Variants in PLEKHA5 observed in about 807,000 individuals in gnomAD.
PLEKHA5 encodes pleckstrin homology domain containing A5.
PLEKHA5 carries 55 observed loss-of-function variants against 181.9 expected under a neutral mutation model. That is an observed-to-expected ratio of 0.30 (90% CI 0.24 to 0.38). The LOEUF is 0.38. PLEKHA5 is among the 10% of genes least tolerant of loss of function. The pLI is 1.00. For synonymous variants in PLEKHA5, 535 were observed against 529.4 expected (o/e 1.01, Z -0.15); for missense variants, 1,432 against 1,549.5 (o/e 0.92, Z 1.27).
chr12:19,331,263 C>A (rs1035459719), intron 20 of PLEKHA5, among the ~76,000 whole-genome samples: 4 of 151,998 alleles, frequency 2.6e-5, no homozygotes, highest in African/African-American at 9.7e-5. Flanking sequence ...TGTAACCATT[C>A]CCTTGAGTAG....
At chr12:19,153,880 A>G (rs1489940263) in intron 3 of PLEKHA5, 1 of 152,244 alleles carries the variant, frequency 6.6e-6, no homozygotes, top group Non-Finnish European at 1.5e-5. Context: ...CTAGCCTCAG[A>G]AAATGAGTTG....
intron 15 of PLEKHA5, among the ~76,000 whole-genome samples, chr12:19,293,337 T>G (rs1178975521): frequency 6.6e-6 from 1 of 152,206 alleles, no homozygotes; most frequent in African/African-American, 2.4e-5. Flanking sequence ...AATTTATATA[T>G]TTTCCACAAA....
At chr12:19,148,068 A>T (rs1305548562) in intron 3 of PLEKHA5, among the ~76,000 whole-genome samples, 5 of 149,000 alleles carry the variant, frequency 3.4e-5, no homozygotes, top group Admixed American at 2.0e-4. Flanking sequence ...TTATTTATTT[A>T]TTTTTTGAGA....
At chr12:19,249,412 T>G (rs1231313020) in intron 3 of PLEKHA5, among the ~76,000 whole-genome samples, 1 of 152,144 alleles carries the variant, frequency 6.6e-6, no homozygotes. Flanking sequence ...AAAGGGATGA[T>G]TCACATCATA....
At chr12:19,314,584 A>G (rs1472413326) in intron 15 of PLEKHA5, among the ~76,000 whole-genome samples, 2 of 152,190 alleles carry the variant, frequency 1.3e-5, no homozygotes, top group Non-Finnish European at 2.9e-5. Flanking sequence ...AAGTAAAACT[A>G]GTTGTGACAG....
At chr12:19,273,148 A>G (rs4542500) in intron 10 of PLEKHA5, among the ~76,000 whole-genome samples, 131,113 of 152,066 alleles carry the variant, frequency 0.86, 58,022 homozygotes, top group Middle Eastern at 0.98. Context: ...ATCTTAGGTG[A>G]TCCACCCACC....
intron 3 of PLEKHA5, among the ~76,000 whole-genome samples, chr12:19,149,116 C>T (rs1162476134): frequency 6.6e-6 from 1 of 152,140 alleles, no homozygotes; most frequent in Non-Finnish European, 1.5e-5. Context: ...TTATTGGTTT[C>T]AGTTCCTCAA....
chr12:19,316,745 G>T (rs1402862206), intron 16 of PLEKHA5, among the ~76,000 whole-genome samples: 1 of 152,114 alleles, frequency 6.6e-6, no homozygotes, highest in Non-Finnish European at 1.5e-5. Context: ...AGATTAAAGT[G>T]ACAGCCCGAC....
intron 11 of PLEKHA5, among the ~76,000 whole-genome samples, chr12:19,276,361 C>T (rs1401279597): frequency 6.6e-6 from 1 of 152,112 alleles, no homozygotes; most frequent in Non-Finnish European, 1.5e-5. Flanking sequence ...TAGTTGATTG[C>T]TTTGATGTGC....
chr12:19,293,165 T>G (rs1460116361), intron 15 of PLEKHA5, among the ~76,000 whole-genome samples: 2 of 152,292 alleles, frequency 1.3e-5, no homozygotes, highest in Non-Finnish European at 2.9e-5. Flanking sequence ...ATAAGACAAA[T>G]GCTTTCATAT....
chr12:19,289,021 A>G (rs367740618), intron 13 of PLEKHA5, among the ~76,000 whole-genome samples: 3 of 152,222 alleles, frequency 2.0e-5, no homozygotes, highest in African/African-American at 7.2e-5. Context: ...TTCTTAGAAT[A>G]TCTAAATCCC....
At chr12:19,275,794 A>G (rs1304004305) in intron 11 of PLEKHA5, among the ~76,000 whole-genome samples, 1 of 152,194 alleles carries the variant, frequency 6.6e-6, no homozygotes, top group African/African-American at 2.4e-5. Context: ...ATATATTTAT[A>G]TGAGCATTTA....
At chr12:19,338,105 G>A (rs1230725851) in intron 21 of PLEKHA5, among the ~76,000 whole-genome samples, 3 of 151,986 alleles carry the variant, frequency 2.0e-5, no homozygotes, top group Admixed American at 2.0e-4. Flanking sequence ...GTCCAGCATA[G>A]TACTGGCCAC....
rs1427687864 is a variant in PLEKHA5, at chr12:19,324,742, C to CATGTTTGGAAAAGGAGGAAAT, written c.2448+2077_2448+2097dup. Reference sequence around the variant, plus strand: ...ACAGCAAAGATGAGAACATAGGAGACATGTTTGGAAAAGGAGGAAATAGAA... The same window carrying CATGTTTGGAAAAGGAGGAAAT: ...ACAGCAAAGATGAGAACATAGGAGACATGTTTGGAAAAGGAGGAAATATGTTTGGAAAAGGAGGAAATAGAA... On this transcript the variant is annotated intron_variant, in intron 20 of 31. Coordinates refer to ENST00000429027, the MANE Select transcript of PLEKHA5 (RefSeq NM_001256470.2). Among the ~76,000 whole-genome samples, 3 of 152,056 alleles carry CATGTTTGGAAAAGGAGGAAAT rather than the reference C, an allele frequency of 2.0e-5. No homozygotes were observed. The East Asian group carries it at 5.8e-4, about 29-fold the overall frequency.
intron 3 of PLEKHA5, among the ~76,000 whole-genome samples, chr12:19,239,824 G>A (rs1165127279): frequency 2.0e-5 from 3 of 152,070 alleles, no homozygotes; most frequent in African/African-American, 7.2e-5. Flanking sequence ...TGCCTTCTCT[G>A]CTCTTTTCCT....
chr12:19,136,005 G>C (rs115603141), intron 3 of PLEKHA5, among the ~76,000 whole-genome samples: 4 of 150,604 alleles, frequency 2.7e-5, no homozygotes, highest in Non-Finnish European at 5.9e-5. Flanking sequence ...TCAGCCTTAC[G>C]AGTAGCTGGG....
intron 25 of PLEKHA5, 124 bp downstream of exon 25, chr12:19,348,643 T>C: frequency 1.7e-6 from 1 of 600,424 alleles, no homozygotes; most frequent in Non-Finnish European, 2.7e-6. Flanking sequence ...ATCTGAAACC[T>C]TTGGACTCTG....
intron 3 of PLEKHA5, among the ~76,000 whole-genome samples, chr12:19,245,723 CAAAAA>C (rs1177391924): frequency 5.9e-5 from 3 of 50,904 alleles, no homozygotes; most frequent in East Asian, 7.9e-4. Flanking sequence ...GTGAGACTGT[CAAAAA>C]AAAAAAAAAA....
intron 3 of PLEKHA5, among the ~76,000 whole-genome samples, chr12:19,220,523 G>C (rs2058779692): frequency 6.6e-6 from 1 of 152,126 alleles, no homozygotes; most frequent in Non-Finnish European, 1.5e-5. Context: ...CCAAATTGTA[G>C]TTAGAATTTA....
Sources: gnomAD v4.1 joint callset for allele counts (sites outside exome capture counted in the v4.1 genomes callset) on GRCh38, gnomAD v4.1.1 for gene constraint, MANE v1.5 for transcripts, NCBI Gene and HGNC (gene_info 2026-07-23, HGNC 2026-07-21) for gene names.